RXRA: variants seen among roughly 807,000 people sequenced by gnomAD.
RXRA encodes the protein retinoic acid receptor RXR-alpha.
RXRA carries 5 observed loss-of-function variants against 44.5 expected under a neutral mutation model. The observed-to-expected ratio is 0.11, with a 90% CI of 0.06 to 0.24. The LOEUF is 0.24. Ranked by LOEUF, RXRA falls within the 10% of genes least tolerant of loss-of-function variation. The probability of loss-of-function intolerance (pLI) is 1.00; values close to 1 mark genes in which losing one functional copy is unlikely to be tolerated. For synonymous variants in RXRA, 291 were observed against 271.4 expected (o/e 1.07, Z -0.71); for missense variants, 412 against 646.5 (o/e 0.64, Z 3.93).
At position 134,433,541 on chromosome 9, in the gene RXRA, C is replaced by T. The variant is rs867213497; in HGVS notation, c.1136-561C>T. On this transcript the variant is annotated intron_variant, in intron 8 of 9. Coordinates refer to ENST00000481739, the MANE Select transcript of RXRA (RefSeq NM_002957.6). The surrounding 1 kb of genome is among the most constrained non-coding windows in gnomAD (Gnocchi z 4.2). ...GCCTTGGGGGCCAAGGTGGCATTCA[C>T]AGGGGGTCCCTGGGCCTTGGAGGTT... Among the ~76,000 whole-genome samples the T allele has an allele frequency of 6.7e-6, 1 of 150,058 alleles. No homozygotes were observed. Among genetic ancestry groups the T allele is most frequent in the Non-Finnish European group, 1.5e-5 (1 of 67,874 alleles).
At chr9:134,363,239 C>A (rs930317896) in intron 1 of RXRA, among the ~76,000 whole-genome samples, 1 of 152,138 alleles carries the variant, frequency 6.6e-6, no homozygotes, top group Non-Finnish European at 1.5e-5. Context: ...TGGCCACGGG[C>A]GAGGGGGTGG....
intron 1 of RXRA, among the ~76,000 whole-genome samples, chr9:134,353,465 G>T (rs563459911): frequency 6.6e-6 from 1 of 152,308 alleles, no homozygotes; most frequent in South Asian, 2.1e-4. Context: ...CTGGTGTCCC[G>T]TCATGTGGCC....
intron 1 of RXRA, among the ~76,000 whole-genome samples, chr9:134,351,535 C>G (rs1426693649): frequency 6.6e-6 from 1 of 152,242 alleles, no homozygotes; most frequent in Non-Finnish European, 1.5e-5. Context: ...GCAATCCCTT[C>G]CCTGGCCTGT....
intron 1 of RXRA, among the ~76,000 whole-genome samples, chr9:134,394,242 A>G (rs377295341): frequency 2.6e-4 from 2 of 7,802 alleles, no homozygotes; most frequent in Non-Finnish European, 6.7e-4. Context: ...GGTGGTGGTG[A>G]TGACGGTGGT....
intron 1 of RXRA, among the ~76,000 whole-genome samples, chr9:134,353,391 T>A (rs1482755546): frequency 6.6e-6 from 1 of 152,028 alleles, no homozygotes; most frequent in Non-Finnish European, 1.5e-5. Context: ...AGGTGGTGAG[T>A]GCACATGTGT....
intron 1 of RXRA, chr9:134,374,175 A>C (rs537262690): frequency 6.6e-6 from 1 of 152,272 alleles, no homozygotes; most frequent in Non-Finnish European, 1.5e-5. Context: ...GTTTAGAACC[A>C]GCGAGGTTGA....
intron 4 of RXRA, among the ~76,000 whole-genome samples, chr9:134,413,964 G>A (rs891981248): frequency 8.5e-5 from 13 of 152,258 alleles, no homozygotes; most frequent in South Asian, 4.1e-4. Flanking sequence ...CAGCCGCCAC[G>A]CTCTGGTCTG....
chr9:134,368,572 A>G (rs918640100), intron 1 of RXRA, among the ~76,000 whole-genome samples: 1 of 151,554 alleles, frequency 6.6e-6, no homozygotes, highest in African/African-American at 2.4e-5. Context: ...TTTTGTATGT[A>G]TAGGTATGTG....
intron 1 of RXRA, among the ~76,000 whole-genome samples, chr9:134,341,951 C>G (rs1830091250): frequency 6.6e-6 from 1 of 152,118 alleles, no homozygotes; most frequent in South Asian, 2.1e-4. Flanking sequence ...ACTGGCCTGG[C>G]CCCACTTGCT....
At chr9:134,370,941 C>T (rs143621439) in intron 1 of RXRA, among the ~76,000 whole-genome samples, 11 of 152,294 alleles carry the variant, frequency 7.2e-5, no homozygotes, top group African/African-American at 2.2e-4. Flanking sequence ...TACAGTGTCC[C>T]TTCTTCCACT....
intron 4 of RXRA, among the ~76,000 whole-genome samples, chr9:134,411,755 G>T (rs944473585): frequency 3.3e-5 from 5 of 152,236 alleles, no homozygotes; most frequent in African/African-American, 4.8e-5. Context: ...GGTGTGGAGG[G>T]CACCTCTGCG....
At position 134,374,256 on chromosome 9, in the gene RXRA, G is replaced by A. The variant is rs900195283; in HGVS notation, c.29-27376G>A. 9.1e-4 allele frequency: 138 copies of A among 152,302 alleles called. 3 individuals carry two copies. The highest frequency in any genetic ancestry group is 1.2e-4 in the Non-Finnish European group (8 of 68,098). The allele number at this position is 152,302 out of a possible 1,614,324, so 9.4% of individuals were successfully genotyped here. A position where few individuals can be genotyped will look rare whatever the true frequency, so the allele number is the denominator to read the frequency against. ...ACTCAAACCCAGATCCGCAGGCGGCGGCCGCTGTGCCCCAGTGGAGCTTGA... is the reference window on the plus strand; with the variant it reads ...ACTCAAACCCAGATCCGCAGGCGGCAGCCGCTGTGCCCCAGTGGAGCTTGA... On this transcript the variant is annotated intron_variant, in intron 1 of 9. Coordinates refer to ENST00000481739, the MANE Select transcript of RXRA (RefSeq NM_002957.6).
Position 134,343,884 on chromosome 9 carries a change from C to G in RXRA, c.28+17225C>G, listed in dbSNP as rs11185654. On this transcript the variant is annotated intron_variant, in intron 1 of 9. Transcript: ENST00000481739. This position sits in a 1 kb window ranked among gnomAD's most constrained non-coding sequence, Gnocchi z 4.1. Reference sequence around the variant, plus strand: ...GTCAGCAGATGGGCTCCTCTGGCGTCTTCTCACCTTCTGGCCGGTCATTGG... The same window carrying G: ...GTCAGCAGATGGGCTCCTCTGGCGTGTTCTCACCTTCTGGCCGGTCATTGG... Among the ~76,000 whole-genome samples, 50,419 of 151,856 alleles carry G rather than the reference C, an allele frequency of 0.33. 8,645 individuals are homozygous for G. Among genetic ancestry groups the G allele is most frequent in the African/African-American group, 0.42 (17,195 of 41,380 alleles).
chr9:134,392,795 G>C (rs118021639), intron 1 of RXRA, among the ~76,000 whole-genome samples: 1 of 152,110 alleles, frequency 6.6e-6, no homozygotes, highest in African/African-American at 2.4e-5. Flanking sequence ...CATTTTGGCC[G>C]TGCGGGTTGC....
chr9:134,342,452 G>T lies in RXRA; in HGVS notation c.28+15793G>T, dbSNP rs1330318462. On this transcript the variant is annotated intron_variant, in intron 1 of 9. Transcript: ENST00000481739. This position sits in a 1 kb window ranked among gnomAD's most constrained non-coding sequence, Gnocchi z 4.4. ...GCCCTTTCCCTGCCAGGAAACTGAG[G>T]CACAGAGAGCAGGGGTCCCCCAGGT... Among the ~76,000 whole-genome samples, 1 of 152,220 alleles carries T rather than the reference G, an allele frequency of 6.6e-6. No individual in the cohort carries two copies. The highest frequency in any genetic ancestry group is 1.5e-5 in the Non-Finnish European group (1 of 68,036).
At chr9:134,333,315 A>T (rs1835034700) in intron 1 of RXRA, among the ~76,000 whole-genome samples, 1 of 152,142 alleles carries the variant, frequency 6.6e-6, no homozygotes. Flanking sequence ...GATGCCGGGA[A>T]GCCCTTGGTC....
intron 1 of RXRA, among the ~76,000 whole-genome samples, chr9:134,401,018 G>A (rs1223721623): frequency 2.0e-5 from 3 of 152,230 alleles, no homozygotes; most frequent in African/African-American, 2.4e-5. Flanking sequence ...GAGTGGGTCA[G>A]CAGGCGCCGC....
intron 1 of RXRA, among the ~76,000 whole-genome samples, chr9:134,369,870 A>G (rs1245977820): frequency 6.6e-6 from 1 of 152,050 alleles, no homozygotes; most frequent in Non-Finnish European, 1.5e-5. Context: ...TACAGACTCC[A>G]TTTACACAGT....
chr9:134,384,129 A>G (rs998061393), intron 1 of RXRA, among the ~76,000 whole-genome samples: 2 of 151,794 alleles, frequency 1.3e-5, no homozygotes, highest in East Asian at 1.9e-4. Context: ...GGGGAGTCCC[A>G]GACCCTCCAC....
Sources: gnomAD v4.1 joint callset for allele counts (sites outside exome capture counted in the v4.1 genomes callset) on GRCh38, gnomAD v4.1.1 for gene constraint, Gnocchi (gnomAD v3.1) non-coding constraint, MANE v1.5 for transcripts, NCBI Gene and HGNC (gene_info 2026-07-23, HGNC 2026-07-21) for gene names.